Variants in HHIPL1 observed in about 807,000 individuals in gnomAD.
HHIPL1 encodes HHIP like 1.
A neutral mutation model predicts 61.8 loss-of-function variants in HHIPL1; 43 were observed. The ratio of observed to expected loss-of-function variants is 0.70; its 90% CI spans 0.55 to 0.90. The LOEUF is 0.90. HHIPL1 is among the 40% of genes least tolerant of loss of function. The pLI, the probability that HHIPL1 is intolerant of heterozygous loss-of-function variation, is 0.00. For missense variants in HHIPL1, 1,056 were observed against 1,157.7 expected, an observed-to-expected ratio of 0.91 and a Z score of 1.28; for synonymous variants, 482 against 515.8, an observed-to-expected ratio of 0.93 and a Z score of 0.89.
the HHIPL1 span, among the ~76,000 whole-genome samples, chr14:99,632,948 G>T: frequency 6.7e-6 from 1 of 149,672 alleles, no homozygotes; most frequent in East Asian, 2.0e-4. Context: ...AGTGAGGAGG[G>T]GATAGAGGGA....
At chr14:99,605,890 G>C in the HHIPL1 span, among the ~76,000 whole-genome samples, 1 of 152,202 alleles carries the variant, frequency 6.6e-6, no homozygotes, top group African/African-American at 2.4e-5. Context: ...GTGGGGCTGG[G>C]GGTGGGCCAG....
chr14:99,644,899 C>T (rs560080070), upstream of HHIPL1, among the ~76,000 whole-genome samples: 2 of 152,318 alleles, frequency 1.3e-5, no homozygotes, highest in South Asian at 2.1e-4. Context: ...TAAAGAGCGC[C>T]CTGTGGGGAG....
the HHIPL1 span, among the ~76,000 whole-genome samples, chr14:99,635,539 G>A: frequency 6.6e-6 from 1 of 152,182 alleles, no homozygotes; most frequent in African/African-American, 2.4e-5. Context: ...TGGGCCGTCA[G>A]GGGTTAGACT....
the HHIPL1 span, among the ~76,000 whole-genome samples, chr14:99,637,733 G>A: frequency 6.6e-6 from 1 of 152,212 alleles, no homozygotes; most frequent in African/African-American, 2.4e-5. Context: ...CTCACGTGAG[G>A]CCATGGTGTC....
rs1338530619 is a variant in HHIPL1 at position 99,675,575 on chromosome 14, G to A, written c.2298G>A (p.Glu766=). Residue 766 remains glutamate, a synonymous_variant, in exon 9 of 9, where the codon GAG becomes GAA. Transcript: ENST00000330710. This position sits in a 1 kb window ranked among gnomAD's most constrained non-coding sequence, Gnocchi z 5.4. ...ACGGCGTGGGCACCCACAACTGCGA[G>A]CACGACGAGGATGCGGGCGTCGTGT... The part of the protein sequence containing the change: ...QHNGVGTHNC[E]HDEDAGVVCS... 6.5e-7 allele frequency: 1 copy of A among 1,535,898 alleles called. No individual in the cohort carries two copies. Among genetic ancestry groups the A allele is most frequent in the East Asian group, 2.5e-5 (1 of 40,754 alleles).
chr14:99,659,595 AC>A lies in HHIPL1; in HGVS notation c.1218del (p.Ser407ProfsTer83). On this transcript the variant is annotated frameshift_variant, in exon 4 of 9. Transcript: ENST00000330710. LOFTEE classifies it high-confidence loss of function. ...NMWRCSFDRG[D>X]PSSGTGRGRL... ...TGGCGCTGCTCCTTCGACCGTGGCG[AC>A]CCCTCCTCGGGCACTGGCCGCGGGC... 6.5e-7 allele frequency: 1 copy of A among 1,549,600 alleles called. No individual in the cohort carries two copies.
chr14:99,637,066 GA>G, the HHIPL1 span, among the ~76,000 whole-genome samples: 1 of 96,310 alleles, frequency 1.0e-5, no homozygotes, highest in Non-Finnish European at 2.1e-5. Context: ...AAGGAAAAAA[GA>G]AAGAAAGAGA....
intron 1 of HHIPL1, among the ~76,000 whole-genome samples, chr14:99,651,611 G>A (rs943848642): frequency 2.0e-5 from 3 of 152,116 alleles, no homozygotes; most frequent in African/African-American, 7.2e-5. Context: ...CTCCAACACT[G>A]GGGGTTACAA....
chr14:99,646,369 G>T (rs561567371), intron 1 of HHIPL1, among the ~76,000 whole-genome samples: 1 of 152,404 alleles, frequency 6.6e-6, no homozygotes, highest in Non-Finnish European at 1.5e-5. Context: ...GCCAGCAGGG[G>T]CAGGTGGTGT....
At chr14:99,619,854 T>C in the HHIPL1 span, among the ~76,000 whole-genome samples, 1 of 152,178 alleles carries the variant, frequency 6.6e-6, no homozygotes, top group Admixed American at 6.5e-5. Context: ...ACAGCTTTGC[T>C]TTCCTGTTGG....
At position 99,652,378 on chromosome 14, in the gene HHIPL1, C is replaced by T. The variant is rs753488026; in HGVS notation, c.410C>T (p.Ala137Val). 1.9e-5 allele frequency: 30 copies of T among 1,614,078 alleles called. No homozygotes were observed. Among genetic ancestry groups the T allele is most frequent in the Middle Eastern group, 1.6e-4 (1 of 6,084 alleles). The change falls in exon 2 of 9, where the codon GCG becomes GTG. Residue 137 changes from alanine to valine, a missense_variant. Coordinates refer to ENST00000330710, the MANE Select transcript of HHIPL1 (RefSeq NM_001127258.3). ...CTGTCAACTGACCAGGAGCTCTGGGCGCTGGAGGGCAACCTTGCCAGGTTC... is the reference window on the plus strand; with the variant it reads ...CTGTCAACTGACCAGGAGCTCTGGGTGCTGGAGGGCAACCTTGCCAGGTTC... ...RHLSTDQELW[A>V]LEGNLARFCR... is the part of the protein sequence containing the mutation.
chr14:99,656,813 AAG>A (rs2056040007), intron 2 of HHIPL1, among the ~76,000 whole-genome samples, 185 bp from the exon 3 acceptor site: 2 of 3,150 alleles, frequency 6.3e-4, no homozygotes, highest in African/African-American at 7.2e-4. Context: ...GAAAGAAAGA[AAG>A]AAAGAAAGAA....
intron 3 of HHIPL1, 152 bp downstream of exon 3, chr14:99,657,295 C>T (rs987230800): frequency 3.7e-5 from 33 of 882,330 alleles, no homozygotes; most frequent in Non-Finnish European, 5.6e-5. Context: ...AGCTGGGCAG[C>T]CTAGGCAAGT....
intron 8 of HHIPL1, among the ~76,000 whole-genome samples, chr14:99,674,443 C>T (rs929198368): frequency 2.0e-5 from 3 of 152,132 alleles, no homozygotes; most frequent in Admixed American, 1.3e-4. Context: ...AGGGGCTCTG[C>T]CTTGTTCCCC....
chr14:99,613,663 C>G, the HHIPL1 span, among the ~76,000 whole-genome samples: 3 of 151,948 alleles, frequency 2.0e-5, no homozygotes. Flanking sequence ...AATCCCAGCA[C>G]TTTGGGAGGC....
the HHIPL1 span, among the ~76,000 whole-genome samples, chr14:99,613,453 A>G: frequency 2.6e-5 from 4 of 151,512 alleles, no homozygotes; most frequent in East Asian, 7.9e-4. Flanking sequence ...GACCTCCTGA[A>G]TATCTGAGAC....
intron 3 of HHIPL1, 123 bp from the exon 4 acceptor site, chr14:99,659,305 C>G: frequency 1.4e-6 from 1 of 715,086 alleles, no homozygotes; most frequent in Non-Finnish European, 2.1e-6. Context: ...TCTGGCCCCA[C>G]AGCCTAGGCT....
Position 99,675,190 on chromosome 14 carries a change from C to A in HHIPL1, c.1913C>A (p.Thr638Asn), listed in dbSNP as rs2056373658. Reference sequence around the variant, plus strand: ...CCCACGGCCGCTCCCCCCGCGCCAACCCCGCGGCCAGCGCGGCCCACCCAG... The same window carrying A: ...CCCACGGCCGCTCCCCCCGCGCCAAACCCGCGGCCAGCGCGGCCCACCCAG... ...GRPTAAPPAP[T>N]PRPARPTQQP... Residue 638 changes from threonine to asparagine, a missense_variant, in exon 9 of 9, where the codon ACC (threonine) becomes AAC (asparagine). Thr to Asn is a moderately conservative substitution (Grantham distance 65). Coordinates refer to ENST00000330710, the MANE Select transcript of HHIPL1 (RefSeq NM_001127258.3). The surrounding 1 kb of genome is among the most constrained non-coding windows in gnomAD (Gnocchi z 5.4). 5.3e-6 allele frequency: 6 copies of A among 1,141,976 alleles called. No individual in the cohort carries two copies. In the South Asian group the frequency reaches 2.6e-4, roughly 49 times the overall value. 70.7% of individuals were successfully genotyped at this position (1,141,976 alleles called of 1,614,324 possible).
chr14:99,637,047 GAA>G, the HHIPL1 span, among the ~76,000 whole-genome samples: 97 of 75,304 alleles, frequency 1.3e-3, 3 homozygotes, highest in Middle Eastern at 0.014. Context: ...AAGAAAGAAA[GAA>G]GGAAGGAAGG....
Sources: allele counts gnomAD v4.1 joint callset (sites outside exome capture counted in the v4.1 genomes callset), GRCh38; gene constraint gnomAD v4.1.1; non-coding constraint Gnocchi (gnomAD v3.1); transcripts MANE v1.5; gene names NCBI Gene and HGNC (gene_info 2026-07-23, HGNC 2026-07-21).